STXBP5L: variants seen among roughly 807,000 people sequenced by gnomAD.
The protein encoded by STXBP5L is syntaxin binding protein 5L, also known as syntaxin-binding protein 5-like.
A neutral mutation model predicts 144.5 loss-of-function variants in STXBP5L; 65 were observed. The ratio of observed to expected loss-of-function variants is 0.45; its 90% CI spans 0.37 to 0.55. The LOEUF is 0.55. STXBP5L is among the 20% of genes least tolerant of loss of function. The probability of loss-of-function intolerance (pLI) is 0.00; values close to 1 mark genes in which losing one functional copy is unlikely to be tolerated. For missense variants in STXBP5L, 1,298 were observed against 1,405.5 expected, an observed-to-expected ratio of 0.92 and a Z score of 1.22; for synonymous variants, 505 against 469.6, an observed-to-expected ratio of 1.08 and a Z score of -0.97.
rs1553795227 is a variant in STXBP5L, at chr3:121,424,243, C to G, written c.*5146C>G. 1 of 152,078 alleles carries G rather than the reference C, an allele frequency of 6.6e-6. No individual in the cohort carries two copies. Among genetic ancestry groups the G allele is most frequent in the South Asian group, 2.1e-4 (1 of 4,822 alleles). The allele number at this position is 152,078 out of a possible 1,614,324, so 9.4% of individuals were successfully genotyped here. A position where few individuals can be genotyped will look rare whatever the true frequency, so the allele number is the denominator to read the frequency against. The stretch of plus-strand genomic sequence containing the variant: ...AAATCTTCCTTTTTGATTGTTATCT[C>G]AATCAAAAGCTCCCAGGGCCACTTG... On this transcript the variant is annotated 3_prime_UTR_variant, in exon 27 of 27. Transcript: ENST00000471454.
chr3:121,007,633 A>G (rs1389740941), intron 3 of STXBP5L, among the ~76,000 whole-genome samples: 1 of 152,006 alleles, frequency 6.6e-6, no homozygotes, highest in African/African-American at 2.4e-5. Context: ...GCAGCAGGAG[A>G]TAACAGGATG....
chr3:120,969,058 G>A (rs191685720), intron 3 of STXBP5L, among the ~76,000 whole-genome samples: 1 of 152,192 alleles, frequency 6.6e-6, no homozygotes, highest in African/African-American at 2.4e-5. Flanking sequence ...TAGATACTCA[G>A]TAGTGGGATT....
intron 5 of STXBP5L, among the ~76,000 whole-genome samples, chr3:121,094,347 G>T (rs1296542388): frequency 6.6e-6 from 1 of 152,080 alleles, no homozygotes; most frequent in Non-Finnish European, 1.5e-5. Context: ...CTGTCTCGTT[G>T]ATCTGTCTAA....
intron 3 of STXBP5L, among the ~76,000 whole-genome samples, chr3:121,007,336 A>G (rs976742698): frequency 2.0e-5 from 3 of 151,970 alleles, no homozygotes; most frequent in Non-Finnish European, 2.9e-5. Context: ...ATTTGTCTGT[A>G]GCTTTCTTTT....
chr3:120,991,178 A>G (rs1942823144), intron 3 of STXBP5L, among the ~76,000 whole-genome samples: 2 of 150,208 alleles, frequency 1.3e-5, no homozygotes, highest in Non-Finnish European at 3.0e-5. Context: ...AAGGATATGA[A>G]CAGACACTTC....
intron 2 of STXBP5L, among the ~76,000 whole-genome samples, chr3:120,920,811 C>T (rs2107583065): frequency 6.6e-6 from 1 of 151,966 alleles, no homozygotes; most frequent in South Asian, 2.1e-4. Flanking sequence ...CTGCAAGTGA[C>T]AAGATTTCAT....
chr3:121,061,146 T>C (rs1044464645), intron 5 of STXBP5L, among the ~76,000 whole-genome samples: 1 of 152,218 alleles, frequency 6.6e-6, no homozygotes, highest in Non-Finnish European at 1.5e-5. Context: ...GCTTTAGCTG[T>C]GTCCCAGAGA....
intron 5 of STXBP5L, among the ~76,000 whole-genome samples, chr3:121,093,519 G>A (rs1490432602): frequency 1.3e-5 from 2 of 152,280 alleles, no homozygotes; most frequent in African/African-American, 4.8e-5. Flanking sequence ...ATGTGTCGAG[G>A]AATTTATCCA....
At chr3:121,219,399 C>G (rs1269079030) in intron 10 of STXBP5L, among the ~76,000 whole-genome samples, 2 of 152,048 alleles carry the variant, frequency 1.3e-5, no homozygotes, top group Non-Finnish European at 2.9e-5. Flanking sequence ...GCAGTAGGGT[C>G]TCTTACTGGA....
chr3:121,004,019 A>G (rs1944027113), intron 3 of STXBP5L, among the ~76,000 whole-genome samples: 1 of 151,998 alleles, frequency 6.6e-6, no homozygotes, highest in South Asian at 2.1e-4. Flanking sequence ...CTTAGGATTG[A>G]CTTGGCAATG....
intron 3 of STXBP5L, among the ~76,000 whole-genome samples, chr3:120,975,475 C>T (rs952348632): frequency 6.6e-6 from 1 of 152,316 alleles, no homozygotes; most frequent in Admixed American, 6.5e-5. Context: ...GATAACAATT[C>T]ATGTCATCTG....
In STXBP5L at chr3:121,029,551, A is replaced by T. The variant is rs566315286; in HGVS notation, c.288-12149A>T. ...TAATGCAAGATGGATTAAAGACTTAAACGTAAGACCTAAAACCATGAAAAC... is the reference window on the plus strand; with the variant it reads ...TAATGCAAGATGGATTAAAGACTTATACGTAAGACCTAAAACCATGAAAAC... On this transcript the variant is annotated intron_variant, in intron 3 of 26. Transcript: ENST00000471454. Among the ~76,000 whole-genome samples, 4 of 152,268 alleles carry T rather than the reference A, an allele frequency of 2.6e-5. No individual in the cohort carries two copies. The East Asian group carries it at 7.7e-4, about 29-fold the overall frequency.
At chr3:121,244,369 CAA>C (rs1161174414) in intron 14 of STXBP5L, among the ~76,000 whole-genome samples, 1 of 149,992 alleles carries the variant, frequency 6.7e-6, no homozygotes, top group Non-Finnish European at 1.5e-5. Context: ...GTCAGAGGAA[CAA>C]AAAGAAGAGG....
intron 5 of STXBP5L, among the ~76,000 whole-genome samples, chr3:121,076,202 C>T (rs1484229020): frequency 6.6e-6 from 1 of 152,196 alleles, no homozygotes; most frequent in Non-Finnish European, 1.5e-5. Context: ...CAGCCGACCT[C>T]ATCCCCTTGG....
At chr3:121,361,405 C>T (rs1576285880) in intron 20 of STXBP5L, among the ~76,000 whole-genome samples, 1 of 152,210 alleles carries the variant, frequency 6.6e-6, no homozygotes, top group African/African-American at 2.4e-5. Flanking sequence ...CCCTACCCCC[C>T]CTTTAAGGAC....
At chr3:121,035,760 T>G (rs1000553387) in intron 3 of STXBP5L, among the ~76,000 whole-genome samples, 1 of 152,184 alleles carries the variant, frequency 6.6e-6, no homozygotes. Context: ...AGTATTTTGA[T>G]AGAAATTGCA....
chr3:121,050,684 C>G (rs1050545300), intron 5 of STXBP5L, among the ~76,000 whole-genome samples: 1 of 152,122 alleles, frequency 6.6e-6, no homozygotes, highest in Non-Finnish European at 1.5e-5. Flanking sequence ...AACTAACGAG[C>G]AAAATAACCA....
At chr3:121,313,290 G>T (rs2043620204) in intron 19 of STXBP5L, among the ~76,000 whole-genome samples, 1 of 143,168 alleles carries the variant, frequency 7.0e-6, no homozygotes, top group Non-Finnish European at 1.5e-5. Flanking sequence ...AGTAGGGGCG[G>T]CTGGGCAGAG....
chr3:121,338,446 C>T (rs932638721), intron 20 of STXBP5L, among the ~76,000 whole-genome samples: 3 of 151,426 alleles, frequency 2.0e-5, no homozygotes, highest in African/African-American at 7.3e-5. Context: ...GAGTTTGAGA[C>T]CAGCCTAGCC....
Sources: allele counts gnomAD v4.1 joint callset (sites outside exome capture counted in the v4.1 genomes callset), GRCh38; gene constraint gnomAD v4.1.1; transcripts MANE v1.5; gene names NCBI Gene and HGNC (gene_info 2026-07-23, HGNC 2026-07-21).